Variants in R3HCC1L observed in about 807,000 individuals in gnomAD.
R3HCC1L encodes R3H domain and coiled-coil containing 1 like.
Under a neutral mutation model 59.9 loss-of-function variants are expected in R3HCC1L, and 51 were observed. That is an observed-to-expected ratio of 0.85 (90% CI 0.68 to 1.07). R3HCC1L has a LOEUF of 1.07. Ranked by LOEUF, R3HCC1L falls within the 50% of genes least tolerant of loss-of-function variation. The pLI, the probability that R3HCC1L is intolerant of heterozygous loss-of-function variation, is 0.00. For synonymous variants in R3HCC1L, 322 were observed against 315.2 expected (o/e 1.02, Z -0.23); for missense variants, 965 against 933.0 (o/e 1.03, Z -0.45).
chr10:98,143,809 C>T (rs1320117082), intron 1 of R3HCC1L, among the ~76,000 whole-genome samples: 2 of 152,048 alleles, frequency 1.3e-5, no homozygotes, highest in African/African-American at 2.4e-5. Flanking sequence ...TAGGGCATTA[C>T]TTTGTAATTA....
At chr10:98,234,421 A>G (rs1391982971) in intron 6 of R3HCC1L, 25 bp from the exon 7 acceptor site, 3 of 1,599,488 alleles carry the variant, frequency 1.9e-6, no homozygotes, top group East Asian at 4.5e-5. Flanking sequence ...ATTTTAGGAA[A>G]TAAAATTGTT....
At chr10:98,191,190 A>G (rs1050294906) in intron 4 of R3HCC1L, among the ~76,000 whole-genome samples, 3 of 152,184 alleles carry the variant, frequency 2.0e-5, no homozygotes, top group Non-Finnish European at 2.9e-5. Flanking sequence ...CACTGGGTGA[A>G]ATGGTAATTC....
At chr10:98,185,745 A>T (rs1213173610) in intron 4 of R3HCC1L, among the ~76,000 whole-genome samples, 1 of 152,234 alleles carries the variant, frequency 6.6e-6, no homozygotes. Context: ...TGATTTTATC[A>T]TGAAAACAGT....
At chr10:98,165,857 A>G (rs549024629) in intron 4 of R3HCC1L, among the ~76,000 whole-genome samples, 2 of 152,276 alleles carry the variant, frequency 1.3e-5, no homozygotes, top group East Asian at 3.9e-4. Context: ...GCCCTCATGA[A>G]TGACATGGCT....
intron 1 of R3HCC1L, among the ~76,000 whole-genome samples, chr10:98,152,222 C>T (rs1244363572): frequency 3.3e-5 from 5 of 152,232 alleles, no homozygotes; most frequent in African/African-American, 7.2e-5. Context: ...CCCGAGGTGC[C>T]GGGATTGCAG....
In R3HCC1L at chr10:98,163,393, A is replaced by C. The variant is rs1847634369; in HGVS notation, c.-19A>C. On this transcript the variant is annotated 5_prime_UTR_variant, in exon 4 of 10. Transcript: ENST00000298999. ...ATTACTAAGAAAATAAATGTTACTT[A>C]CATGGTAAGTTGCCTTTACTTATGC... 1 of 1,334,920 alleles carries C rather than the reference A, an allele frequency of 7.5e-7. No individual in the cohort carries two copies. Among genetic ancestry groups the C allele is most frequent in the Non-Finnish European group, 9.9e-7 (1 of 1,007,058 alleles). The allele number at this position is 1,334,920 out of a possible 1,614,324, so 82.7% of individuals were successfully genotyped here.
At chr10:98,176,984 T>C (rs1849087252) in intron 4 of R3HCC1L, among the ~76,000 whole-genome samples, 1 of 152,134 alleles carries the variant, frequency 6.6e-6, no homozygotes. Context: ...TGTTAGTCTT[T>C]TGTTATGGCG....
chr10:98,211,851 C>T (rs1389617023), intron 5 of R3HCC1L, among the ~76,000 whole-genome samples: 2 of 152,074 alleles, frequency 1.3e-5, no homozygotes, highest in African/African-American at 4.8e-5. Context: ...GTGTACAACT[C>T]AGTTTTTCAG....
At chr10:98,210,221 G>A (rs1179504261) in intron 5 of R3HCC1L, among the ~76,000 whole-genome samples, 2 of 152,028 alleles carry the variant, frequency 1.3e-5, no homozygotes, top group African/African-American at 4.8e-5. Flanking sequence ...TCTTTTACAT[G>A]GGCCTATTTA....
chr10:98,135,214 C>T (rs879111568), intron 1 of R3HCC1L, among the ~76,000 whole-genome samples: 2 of 152,168 alleles, frequency 1.3e-5, no homozygotes, highest in Admixed American at 1.3e-4. Flanking sequence ...TCTTGGCAGG[C>T]CTGCGAAAAA....
chr10:98,209,842 C>G lies in R3HCC1L; in HGVS notation c.1728C>G (p.Ser576Arg), dbSNP rs1476105714. The G allele has an allele frequency of 1.2e-6, 2 of 1,613,666 alleles. No homozygotes were observed. The highest frequency in any genetic ancestry group is 1.7e-6 in the Non-Finnish European group (2 of 1,179,742). The stretch of plus-strand genomic sequence containing the variant: ...AGGGAATTACTGCCATTGAGGAGAG[C>G]TGGGAGTCTATGTTTAACGATGATG... Reference protein sequence around the residue: ...HTEGITAIEESWESMFNDDGD... With the variant: ...HTEGITAIEERWESMFNDDGD... The change falls in exon 5 of 10, where the codon AGC becomes AGG. Residue 576 changes from serine (S) to arginine (R), a missense_variant. Ser to Arg is a moderately radical substitution (Grantham distance 110, BLOSUM62 -1). Coordinates refer to ENST00000298999, the MANE Select transcript of R3HCC1L (RefSeq NM_001351015.2).
chr10:98,154,960 T>A (rs1564624146), intron 1 of R3HCC1L, among the ~76,000 whole-genome samples: 2 of 152,228 alleles, frequency 1.3e-5, no homozygotes, highest in South Asian at 4.1e-4. Context: ...TTTATGTGCA[T>A]GTGTGTGTAT....
intron 4 of R3HCC1L, among the ~76,000 whole-genome samples, chr10:98,166,993 A>G (rs1425639182): frequency 6.6e-6 from 1 of 152,142 alleles, no homozygotes; most frequent in African/African-American, 2.4e-5. Context: ...CTACCCCAGC[A>G]GTGATGTCAA....
At chr10:98,234,015 C>T (rs998867840) in intron 6 of R3HCC1L, among the ~76,000 whole-genome samples, 1 of 152,114 alleles carries the variant, frequency 6.6e-6, no homozygotes, top group Non-Finnish European at 1.5e-5. Flanking sequence ...TCTCTGTCCT[C>T]AAGGACAGAG....
At chr10:98,174,926 T>G (rs1367844989) in intron 4 of R3HCC1L, among the ~76,000 whole-genome samples, 4 of 152,192 alleles carry the variant, frequency 2.6e-5, no homozygotes. Flanking sequence ...CCTCTTTTCC[T>G]CTGTAGTTCA....
chr10:98,183,853 G>T (rs889277515), intron 4 of R3HCC1L, among the ~76,000 whole-genome samples: 1 of 151,198 alleles, frequency 6.6e-6, no homozygotes, highest in African/African-American at 2.4e-5. Flanking sequence ...TACATTTTTC[G>T]TTAGAGCATT....
At chr10:98,167,450 AACAG>A (rs565337722) in intron 4 of R3HCC1L, among the ~76,000 whole-genome samples, 29 of 152,196 alleles carry the variant, frequency 1.9e-4, no homozygotes, top group Non-Finnish European at 3.5e-4. Flanking sequence ...CTATTTCTCT[AACAG>A]ACAGACTCTA....
At chr10:98,240,757 G>GT (rs1484590054) in intron 9 of R3HCC1L, among the ~76,000 whole-genome samples, 4 of 144,626 alleles carry the variant, frequency 2.8e-5, no homozygotes, top group South Asian at 2.2e-4. Context: ...TTTTCTTGGC[G>GT]TTTTTTCTCC....
intron 4 of R3HCC1L, among the ~76,000 whole-genome samples, chr10:98,185,321 T>C (rs1287687011): frequency 6.6e-6 from 1 of 152,142 alleles, no homozygotes; most frequent in Non-Finnish European, 1.5e-5. Context: ...ATACTTTCTC[T>C]AATGAGCATA....
Sources: gnomAD v4.1 joint callset for allele counts (sites outside exome capture counted in the v4.1 genomes callset) on GRCh38, gnomAD v4.1.1 for gene constraint, MANE v1.5 for transcripts, NCBI Gene and HGNC (gene_info 2026-07-23, HGNC 2026-07-21) for gene names.